ERC1: variants seen among roughly 807,000 people sequenced by gnomAD.
The protein encoded by ERC1 is RAB6 interacting protein 2.
A neutral mutation model predicts 132.0 loss-of-function variants in ERC1; 56 were observed. The observed-to-expected ratio is 0.42, with a 90% CI of 0.34 to 0.53. The LOEUF (loss-of-function observed/expected upper bound fraction) is 0.53. Among genes scored for constraint, ERC1 ranks in the 20% least tolerant of loss-of-function variants. ERC1 has a pLI of 0.03. For missense variants in ERC1, 1,202 were observed against 1,349.9 expected (o/e 0.89, Z 1.72); for synonymous variants, 478 against 476.1 (o/e 1.00, Z -0.05).
chr12:1,090,832 C>CGTT lies in ERC1; in HGVS notation c.1086+7252_1086+7253insGTT, dbSNP rs372845329. ...ACAGGCAATATGCCTATGCCTGGCC[C>CGTT]ATTATTATTATTATTGTTGTTGTTG... On this transcript the variant is annotated intron_variant, in intron 3 of 18. Coordinates refer to ENST00000360905, the MANE Select transcript of ERC1 (RefSeq NM_178040.4). Among the ~76,000 whole-genome samples, 151 of 7,768 alleles carry CGTT rather than the reference C, an allele frequency of 0.019. 16 individuals carry two copies. The East Asian group carries it at 0.5, about 26-fold the overall frequency. 5.1% of individuals were successfully genotyped at this position (7,768 alleles called of 152,430 possible).
At position 1,035,081 on chromosome 12, in the gene ERC1, T is replaced by A. The variant is rs185331293; in HGVS notation, c.669+6509T>A. On this transcript the variant is annotated intron_variant, in intron 2 of 18. Transcript: ENST00000360905. ...CGAAGGGTGCAATTTTAAAGTAAAG[T>A]GAAACACTGCAATGAGATACAGAGA... is the stretch of plus-strand genomic sequence containing the variant. Among the ~76,000 whole-genome samples the A allele has an allele frequency of 1.2e-4, 18 of 152,280 alleles. No homozygotes were observed. In the East Asian group the frequency reaches 3.5e-3, roughly 29 times the overall value.
At chr12:1,127,501 T>A (rs1387273568) in intron 7 of ERC1, among the ~76,000 whole-genome samples, 2 of 152,032 alleles carry the variant, frequency 1.3e-5, no homozygotes, top group African/African-American at 2.4e-5. Context: ...ACTATCTATG[T>A]TTACTTTTTT....
chr12:1,084,252 A>G (rs1315386971), intron 3 of ERC1, among the ~76,000 whole-genome samples: 6 of 152,256 alleles, frequency 3.9e-5, no homozygotes, highest in Admixed American at 6.5e-5. Context: ...TAAAAAATTA[A>G]TAGCCATAAT....
At chr12:1,385,313 C>T (rs899763265) in intron 16 of ERC1, among the ~76,000 whole-genome samples, 10 of 151,878 alleles carry the variant, frequency 6.6e-5, no homozygotes, top group Non-Finnish European at 1.0e-4. Flanking sequence ...GACGGAGTCT[C>T]GCTCTGTCGC....
At chr12:1,168,310 A>G (rs974780473) in intron 8 of ERC1, among the ~76,000 whole-genome samples, 8 of 151,800 alleles carry the variant, frequency 5.3e-5, no homozygotes, top group Non-Finnish European at 1.2e-4. Flanking sequence ...TTTGTAGTAG[A>G]GATGGGTTTC....
Position 1,483,976 on chromosome 12 carries a change from G to A in ERC1, c.3214-6117G>A, listed in dbSNP as rs987327513. On this transcript the variant is annotated intron_variant, in intron 18 of 18. Coordinates refer to ENST00000360905, the MANE Select transcript of ERC1 (RefSeq NM_178040.4). ...CCCTGAGTGCTGGGATTATAGGCGT[G>A]AGCCGCTGCGCCCAGCTTCAATGAG... 8.6e-4 allele frequency among the ~76,000 whole-genome samples: 130 copies of A among 151,776 alleles called. 1 individual carries two copies. The highest frequency in any genetic ancestry group is 3.0e-3 in the African/African-American group (126 of 41,492).
chr12:1,253,680 GA>G (rs1007551241), intron 13 of ERC1, among the ~76,000 whole-genome samples: 3 of 150,650 alleles, frequency 2.0e-5, no homozygotes, highest in East Asian at 1.9e-4. Context: ...GCATCTCAAA[GA>G]AAAAAAAAGG....
intron 14 of ERC1, among the ~76,000 whole-genome samples, chr12:1,284,720 G>A (rs767664463): frequency 1.3e-5 from 2 of 152,062 alleles, no homozygotes; most frequent in Non-Finnish European, 2.9e-5. Context: ...ACCCAGGCTG[G>A]AGCGCAGTGG....
rs374657884 is a variant in ERC1, at chr12:1,490,167, G to C, written c.3288G>C (p.Gln1096His). The part of the protein sequence containing the change: ...LQEFANAILQ[Q>H]IADHCPDILE... ...AGTTTGCCAACGCCATTCTTCAGCA[G>C]ATAGCAGACCATTGTCCCGACATCC... Residue 1096 changes from glutamine (Q) to histidine (H), a missense_variant, in exon 19 of 19, where the codon CAG becomes CAC. Physicochemically the swap from Gln to His is conservative, Grantham distance 24 (BLOSUM62 0). Transcript: ENST00000360905. 14 of 1,614,096 alleles carry C rather than the reference G, an allele frequency of 8.7e-6. No homozygotes were observed. The highest frequency in any genetic ancestry group is 1.2e-5 in the Non-Finnish European group (14 of 1,180,032).
intron 7 of ERC1, among the ~76,000 whole-genome samples, chr12:1,136,917 C>G (rs1323972056): frequency 2.0e-5 from 3 of 152,028 alleles, no homozygotes; most frequent in African/African-American, 7.2e-5. Flanking sequence ...TCTGACTCTT[C>G]TGACATACTG....
chr12:1,483,945 C>T (rs1254537657), intron 18 of ERC1, among the ~76,000 whole-genome samples: 5 of 151,730 alleles, frequency 3.3e-5, no homozygotes, highest in East Asian at 4.0e-4. Flanking sequence ...CCACCTGCCT[C>T]GGCCTCCCTG....
At chr12:1,168,938 A>G (rs1179211096) in intron 8 of ERC1, among the ~76,000 whole-genome samples, 1 of 152,186 alleles carries the variant, frequency 6.6e-6, no homozygotes, top group Non-Finnish European at 1.5e-5. Flanking sequence ...GAACTGAGAT[A>G]TAATATACAC....
intron 3 of ERC1, 135 bp from the exon 4 acceptor site, chr12:1,104,615 A>G (rs1297946796): frequency 1.1e-5 from 7 of 637,498 alleles, no homozygotes; most frequent in African/African-American, 9.0e-5. Context: ...TCACAGGGAA[A>G]GGTTGGTAAC....
intron 15 of ERC1, among the ~76,000 whole-genome samples, chr12:1,324,586 T>G (rs1416426434): frequency 1.3e-5 from 2 of 152,166 alleles, no homozygotes; most frequent in Non-Finnish European, 2.9e-5. Context: ...GGCTTGAATA[T>G]AAAGTTCATT....
Position 1,382,705 on chromosome 12 carries a change from C to T in ERC1, c.2925+10728C>T, listed in dbSNP as rs192764117. Among the ~76,000 whole-genome samples, 248 of 152,246 alleles carry T rather than the reference C, an allele frequency of 1.6e-3. 1 individual carries two copies. The highest frequency in any genetic ancestry group is 5.7e-3 in the African/African-American group (235 of 41,534). ...ACATATTTACCTGTAGCTGTATCGT[C>T]TGCTAAAGGCTGACATTAAGAGTTT... On this transcript the variant is annotated intron_variant, in intron 16 of 18. Coordinates refer to ENST00000360905, the MANE Select transcript of ERC1 (RefSeq NM_178040.4).
intron 15 of ERC1, among the ~76,000 whole-genome samples, chr12:1,351,421 AC>A (rs1283672363): frequency 5.3e-5 from 8 of 152,174 alleles, no homozygotes; most frequent in African/African-American, 1.9e-4. Flanking sequence ...TTGCGTTCCC[AC>A]CAGCGGTGAA....
intron 3 of ERC1, among the ~76,000 whole-genome samples, chr12:1,098,682 AAG>A (rs1356896561): frequency 1.3e-5 from 2 of 152,224 alleles, no homozygotes; most frequent in Admixed American, 1.3e-4. Flanking sequence ...TTGATAAAAT[AAG>A]TGTGAGTTGC....
chr12:1,003,996 C>T (rs1366504228), intron 1 of ERC1, among the ~76,000 whole-genome samples: 1 of 152,176 alleles, frequency 6.6e-6, no homozygotes, highest in Admixed American at 6.5e-5. Flanking sequence ...AATGCCTTGT[C>T]AGAACCCAGG....
intron 12 of ERC1, among the ~76,000 whole-genome samples, chr12:1,231,896 C>T (rs923711749): frequency 2.6e-5 from 4 of 152,088 alleles, no homozygotes; most frequent in Middle Eastern, 3.2e-3. Context: ...CCCGCCACCA[C>T]GCCCAGCTAA....
Sources: gnomAD v4.1 joint callset for allele counts (sites outside exome capture counted in the v4.1 genomes callset) on GRCh38, gnomAD v4.1.1 for gene constraint, MANE v1.5 for transcripts, NCBI Gene and HGNC (gene_info 2026-07-23, HGNC 2026-07-21) for gene names.